Variants in IGSF10 observed in about 807,000 individuals in gnomAD.
The protein encoded by IGSF10 is calvaria mechanical force protein 608.
In IGSF10, 126 loss-of-function variants were observed where a neutral mutation model predicts 128.2. The ratio of observed to expected loss-of-function variants is 0.98; its 90% CI spans 0.85 to 1.14. The LOEUF is 1.14. Among genes scored for constraint, IGSF10 ranks in the 50% most tolerant of loss-of-function variants. IGSF10 has a pLI of 0.00. For synonymous variants in IGSF10, 1,185 were observed against 1,146.2 expected, an observed-to-expected ratio of 1.03 and a Z score of -0.68; for missense variants, 3,295 against 3,149.8, an observed-to-expected ratio of 1.05 and a Z score of -1.10.
Position 151,436,730 on chromosome 3 carries a change from G to C in IGSF10, c.7831C>G (p.Leu2611Val), listed in dbSNP as rs1257018449. 6.2e-7 allele frequency: 1 copy of C among 1,613,918 alleles called. No homozygotes were observed. Among genetic ancestry groups the C allele is most frequent in the Admixed American group, 1.7e-5 (1 of 60,008 alleles). Residue 2611 changes from leucine to valine, a missense_variant, in exon 8 of 8, where the codon CTT (leucine) becomes GTT (valine). Physicochemically the swap from Leu to Val is conservative, Grantham distance 32. Transcript: ENST00000282466. ...TACGTTGCTGCATAATCACTACCAA[G>C]TGGGTTCTTTGCTGTGCATTTGTAT... ...GIYKCTAKNP[L>V]GSDYAATYIQ...
the IGSF10 span, among the ~76,000 whole-genome samples, chr3:151,511,222 G>A: frequency 1.3e-5 from 2 of 152,110 alleles, no homozygotes; most frequent in African/African-American, 2.4e-5. Flanking sequence ...GAGAAAGGTC[G>A]GGTTACCCAC....
Position 151,445,180 on chromosome 3 carries a change from A to G in IGSF10, c.4801T>C (p.Ser1601Pro). 1.2e-6 allele frequency: 2 copies of G among 1,614,248 alleles called. No homozygotes were observed. The highest frequency in any genetic ancestry group is 1.7e-6 in the Non-Finnish European group (2 of 1,180,048). The change falls in exon 6 of 8, where the codon TCC becomes CCC. Residue 1601 changes from serine (S) to proline (P), a missense_variant. Ser to Pro is a moderately conservative substitution (Grantham distance 74). Transcript: ENST00000282466. ...EVSMLATTGL[S>P]EATTLVSDWD... ...TCTGAAACAAGAGTGGTGGCCTCGG[A>G]CAGGCCTGTAGTAGCCAACATGCTT...
chr3:151,580,684 A>T, the IGSF10 span, among the ~76,000 whole-genome samples: 17 of 152,186 alleles, frequency 1.1e-4, no homozygotes, highest in African/African-American at 3.6e-4. Flanking sequence ...TTAAAAAAAA[A>T]ATCTGTCTAT....
At chr3:151,570,497 A>AT in the IGSF10 span, among the ~76,000 whole-genome samples, 1 of 152,124 alleles carries the variant, frequency 6.6e-6, no homozygotes, top group African/African-American at 2.4e-5. Flanking sequence ...GATGATGAGC[A>AT]TTTTTTCATG....
intron 4 of IGSF10, among the ~76,000 whole-genome samples, chr3:151,455,028 C>T (rs974992119): frequency 6.6e-6 from 1 of 151,836 alleles, no homozygotes; most frequent in Admixed American, 6.6e-5. Context: ...TAAAAGTGTA[C>T]AATTTATTGG....
At position 151,447,791 on chromosome 3, in the gene IGSF10, T is replaced by A; in HGVS notation, c.2190A>T (p.Gly730=). ...CCCTAAAACGTCGATGTGTTGAATC[T>A]CCACGTCGCTGGAGTGTTAATTCCC... The part of the protein sequence containing the change: ...NYRELTLQRR[G]DSTHRRFREN... Residue 730 remains glycine (G), a synonymous_variant, in exon 6 of 8, where the codon GGA becomes GGT. Coordinates refer to ENST00000282466, the MANE Select transcript of IGSF10 (RefSeq NM_178822.5). 6.2e-7 allele frequency: 1 copy of A among 1,614,192 alleles called. No homozygotes were observed. The highest frequency in any genetic ancestry group is 8.5e-7 in the Non-Finnish European group (1 of 1,180,038).
chr3:151,502,222 T>C, the IGSF10 span, among the ~76,000 whole-genome samples: 17 of 152,094 alleles, frequency 1.1e-4, no homozygotes, highest in Non-Finnish European at 2.2e-4. Flanking sequence ...TTTTTCATTA[T>C]GTTAGTAAGA....
chr3:151,484,347 A>G, the IGSF10 span, among the ~76,000 whole-genome samples: 3 of 152,274 alleles, frequency 2.0e-5, no homozygotes, highest in Admixed American at 6.5e-5. Context: ...GACACAGCAC[A>G]TGGCGGGAGG....
At chr3:151,593,680 A>G in the IGSF10 span, among the ~76,000 whole-genome samples, 1 of 152,152 alleles carries the variant, frequency 6.6e-6, no homozygotes, top group Non-Finnish European at 1.5e-5. Flanking sequence ...AGACAAAGAA[A>G]AAAATAGCAA....
chr3:151,574,083 T>C, the IGSF10 span, among the ~76,000 whole-genome samples: 6 of 152,314 alleles, frequency 3.9e-5, no homozygotes, highest in African/African-American at 1.4e-4. Context: ...TGCTGAGAGA[T>C]CTGCTTTTAG....
chr3:151,498,559 A>C, the IGSF10 span, among the ~76,000 whole-genome samples: 1 of 152,114 alleles, frequency 6.6e-6, no homozygotes, highest in African/African-American at 2.4e-5. Context: ...AATGACAAAA[A>C]CCACATGACT....
chr3:151,492,061 T>C, the IGSF10 span, among the ~76,000 whole-genome samples: 1 of 151,766 alleles, frequency 6.6e-6, no homozygotes, highest in Non-Finnish European at 1.5e-5. Context: ...ATCGACAAAA[T>C]GAAAAGGCAA....
At chr3:151,483,175 G>A in the IGSF10 span, among the ~76,000 whole-genome samples, 1 of 152,106 alleles carries the variant, frequency 6.6e-6, no homozygotes, top group African/African-American at 2.4e-5. Flanking sequence ...AAGCTGGCGT[G>A]TAAACCACAT....
the IGSF10 span, among the ~76,000 whole-genome samples, chr3:151,540,156 A>G: frequency 1.3e-5 from 2 of 152,212 alleles, no homozygotes; most frequent in African/African-American, 2.4e-5. Flanking sequence ...ATTTTTTAAT[A>G]GAAGTATGAA....
chr3:151,555,092 A>G, the IGSF10 span, among the ~76,000 whole-genome samples: 1 of 152,168 alleles, frequency 6.6e-6, no homozygotes. Flanking sequence ...GAAACTTAGC[A>G]AAGGCTGGAA....
At chr3:151,560,080 T>C in the IGSF10 span, among the ~76,000 whole-genome samples, 1 of 152,150 alleles carries the variant, frequency 6.6e-6, no homozygotes, top group Non-Finnish European at 1.5e-5. Context: ...AAGACCAGGA[T>C]AGGCCACCCC....
At chr3:151,550,243 A>G in the IGSF10 span, among the ~76,000 whole-genome samples, 1 of 152,184 alleles carries the variant, frequency 6.6e-6, no homozygotes, top group African/African-American at 2.4e-5. Flanking sequence ...CCATTTTGGC[A>G]TATCTCCGGA....
chr3:151,554,359 A>G, the IGSF10 span, among the ~76,000 whole-genome samples: 1 of 152,124 alleles, frequency 6.6e-6, no homozygotes. Context: ...ATCTTAGATC[A>G]GCCTGTTTTT....
At chr3:151,510,415 T>G in the IGSF10 span, among the ~76,000 whole-genome samples, 1 of 151,972 alleles carries the variant, frequency 6.6e-6, no homozygotes, top group Non-Finnish European at 1.5e-5. Flanking sequence ...TCCTGACTGG[T>G]AGAAGGAAAA....
Sources: gnomAD v4.1 joint callset for allele counts (sites outside exome capture counted in the v4.1 genomes callset) on GRCh38, gnomAD v4.1.1 for gene constraint, MANE v1.5 for transcripts, NCBI Gene and HGNC (gene_info 2026-07-23, HGNC 2026-07-21) for gene names.